The following ZNF618 variants were observed in gnomAD, a reference collection of about 807,000 sequenced individuals.
ZNF618 encodes neural precursor cell expressed, developmentally down-regulated 10.
Under a neutral mutation model 103.0 loss-of-function variants are expected in ZNF618, and 34 were observed. The observed-to-expected ratio is 0.33, with a 90% confidence interval of 0.25 to 0.44. ZNF618 has a LOEUF of 0.44. Among genes scored for constraint, ZNF618 ranks in the 20% least tolerant of loss-of-function variants. The pLI, the probability that ZNF618 is intolerant of heterozygous loss-of-function variation, is 1.00. For missense variants in ZNF618, 1,059 were observed against 1,295.4 expected (o/e 0.82, Z 2.80); for synonymous variants, 551 against 542.2 (o/e 1.02, Z -0.23).
Position 114,049,526 on chromosome 9 carries a change from G to T in ZNF618, c.2224G>T (p.Val742Leu), listed in dbSNP as rs527742445. The T allele has an allele frequency of 1.9e-4, 308 of 1,613,792 alleles. 1 individual carries two copies. In the Middle Eastern group the frequency reaches 2.6e-3, roughly 14 times the overall value. ...LSNLAAILTP[V>L]KQAVIELSNE... ...CAACCTGGCGGCCATCCTGACGCCG[G>T]TGAAGCAGGCAGTCATCGAGCTGAG... is the stretch of plus-strand genomic sequence containing the variant. The change falls in exon 15 of 15, where the codon GTG (valine) becomes TTG (leucine). Residue 742 changes from valine (V) to leucine (L), a missense_variant. Coordinates refer to ENST00000374126, the MANE Select transcript of ZNF618 (RefSeq NM_001318042.2).
intron 1 of ZNF618, among the ~76,000 whole-genome samples, chr9:113,917,179 T>C (rs922950547): frequency 1.3e-5 from 2 of 152,076 alleles, no homozygotes; most frequent in African/African-American, 4.8e-5. Context: ...CTAGTTATTT[T>C]CTGGGCTCGT....
intron 1 of ZNF618, among the ~76,000 whole-genome samples, chr9:113,911,628 C>T (rs7866488): frequency 0.077 from 11,737 of 152,092 alleles, 819 homozygotes; most frequent in East Asian, 0.3. Context: ...CGTGCCTGGC[C>T]GGTATTGTTT....
chr9:114,032,842 C>G, intron 12 of ZNF618, 114 bp downstream of exon 12: 1 of 924,756 alleles, frequency 1.1e-6, no homozygotes. Flanking sequence ...CATTATGGAT[C>G]TTGTTGGGAG....
At position 114,055,759 on chromosome 9, in the gene ZNF618, ATATCT is replaced by A. The variant is rs1487711738; in HGVS notation, c.*5594_*5598del. ...TTACAAAAAAACAAACACAAAAAAA[ATATCT>A]TTTTTAGGCCAGAGTTTTCTACAGG... On this transcript the variant is annotated 3_prime_UTR_variant, in exon 15 of 15. Coordinates refer to ENST00000374126, the MANE Select transcript of ZNF618 (RefSeq NM_001318042.2). The A allele has an allele frequency of 2.0e-5, 3 of 152,490 alleles. No homozygotes were observed. The highest frequency in any genetic ancestry group is 7.2e-5 in the African/African-American group (3 of 41,434). The allele number at this position is 152,490 out of a possible 1,614,324, so 9.4% of individuals were successfully genotyped here.
intron 10 of ZNF618, among the ~76,000 whole-genome samples, chr9:114,024,652 C>T (rs148903519): frequency 1.1e-3 from 173 of 152,290 alleles, no homozygotes; most frequent in East Asian, 4.2e-3. Flanking sequence ...AGCAAGGTCT[C>T]GCCTCTCTGG....
chr9:113,904,010 CTTTTTTTT>C (rs35812879), intron 1 of ZNF618, among the ~76,000 whole-genome samples: 2 of 139,670 alleles, frequency 1.4e-5, no homozygotes, highest in African/African-American at 5.2e-5. Flanking sequence ...TTCACCCCTC[CTTTTTTTT>C]TTTTTTCCAA....
intron 10 of ZNF618, among the ~76,000 whole-genome samples, chr9:114,024,597 G>C (rs548980850): frequency 6.6e-6 from 1 of 152,338 alleles, no homozygotes; most frequent in East Asian, 1.9e-4. Flanking sequence ...CTCTTCTAAG[G>C]CATGGCCTTT....
Position 114,050,020 on chromosome 9 carries a change from C to T in ZNF618, c.2718C>T (p.Leu906=), listed in dbSNP as rs776575946. Residue 906 remains leucine (L), a synonymous_variant, in exon 15 of 15, where the codon CTC becomes CTT. Coordinates refer to ENST00000374126, the MANE Select transcript of ZNF618 (RefSeq NM_001318042.2). Reference sequence around the variant, plus strand: ...AAAAGCACACAAAACTCGCCAAGCTCGCCTTCTGGCTCCTGGCGGTTCCGG... The same window carrying T: ...AAAAGCACACAAAACTCGCCAAGCTTGCCTTCTGGCTCCTGGCGGTTCCGG... ...VTQKHTKLAK[L]AFWLLAVPAV... 20 of 1,613,828 alleles carry T rather than the reference C, an allele frequency of 1.2e-5. No individual in the cohort carries two copies. Among genetic ancestry groups the T allele is most frequent in the African/African-American group, 2.7e-5 (2 of 74,938 alleles).
chr9:114,049,738 G>C lies in ZNF618; in HGVS notation c.2436G>C (p.Gln812His). 2 of 1,613,878 alleles carry C rather than the reference G, an allele frequency of 1.2e-6. No individual in the cohort carries two copies. The highest frequency in any genetic ancestry group is 1.7e-6 in the Non-Finnish European group (2 of 1,179,900). Reference protein sequence around the residue: ...HKVAMILDPQQKLRPVPPYQH... With the variant: ...HKVAMILDPQHKLRPVPPYQH... Reference sequence around the variant, plus strand: ...TGGCCATGATCCTGGACCCGCAGCAGAAGCTGCGGCCTGTGCCACCCTACC... The same window carrying C: ...TGGCCATGATCCTGGACCCGCAGCACAAGCTGCGGCCTGTGCCACCCTACC... Residue 812 changes from glutamine to histidine, a missense_variant, in exon 15 of 15, where the codon CAG becomes CAC. By Grantham distance (24) the Gln-to-His change is conservative. Around this residue, in one of 6 missense-constraint regions of ZNF618, gnomAD observed 156 missense variants for 197.1 expected, o/e 0.79. Coordinates refer to ENST00000374126, the MANE Select transcript of ZNF618 (RefSeq NM_001318042.2).
intron 1 of ZNF618, among the ~76,000 whole-genome samples, chr9:113,882,354 T>G (rs1423881253): frequency 6.6e-6 from 1 of 152,162 alleles, no homozygotes; most frequent in Non-Finnish European, 1.5e-5. Flanking sequence ...AAAAGAGGGT[T>G]AATGATCCCA....
At chr9:114,008,750 G>T (rs571610796) in intron 9 of ZNF618, among the ~76,000 whole-genome samples, 196 bp downstream of exon 9, 4 of 152,302 alleles carry the variant, frequency 2.6e-5, no homozygotes, top group African/African-American at 9.6e-5. Context: ...CAGGGTCAAG[G>T]TCAGGACAGT....
At chr9:113,944,960 C>T (rs545103159) in intron 1 of ZNF618, among the ~76,000 whole-genome samples, 57 of 152,254 alleles carry the variant, frequency 3.7e-4, no homozygotes, top group Non-Finnish European at 6.2e-4. Context: ...AGTGACATTC[C>T]GCAGATATGA....
rs1846353329 is a variant in ZNF618 at position 114,054,719 on chromosome 9, C to T, written c.*4552C>T. 6.5e-6 allele frequency: 1 copy of T among 152,742 alleles called. No individual in the cohort carries two copies. The highest frequency in any genetic ancestry group is 2.1e-4 in the South Asian group (1 of 4,836). The allele number at this position is 152,742 out of a possible 1,614,324, so 9.5% of individuals were successfully genotyped here. A position where few individuals can be genotyped will look rare whatever the true frequency, so the allele number is the denominator to read the frequency against. Reference sequence around the variant, plus strand: ...ATACAGTGTTTTCCCTCTTAACGTTCCCCTCCTGGTTTTGCCTTTTCAGGG... The same window carrying T: ...ATACAGTGTTTTCCCTCTTAACGTTTCCCTCCTGGTTTTGCCTTTTCAGGG... On this transcript the variant is annotated 3_prime_UTR_variant, in exon 15 of 15. Transcript: ENST00000374126.
chr9:113,880,265 T>C (rs984465913), intron 1 of ZNF618, among the ~76,000 whole-genome samples: 3 of 152,164 alleles, frequency 2.0e-5, no homozygotes, highest in Non-Finnish European at 4.4e-5. Flanking sequence ...TTTCTGGTGA[T>C]GTAAAATGAA....
intron 1 of ZNF618, among the ~76,000 whole-genome samples, chr9:113,931,678 A>C (rs750181296): frequency 1.3e-5 from 2 of 152,226 alleles, no homozygotes; most frequent in Non-Finnish European, 2.9e-5. Flanking sequence ...GATGTGCTGT[A>C]AGTGTAAAAT....
chr9:114,044,025 C>A (rs753949958), intron 13 of ZNF618, among the ~76,000 whole-genome samples: 1 of 152,170 alleles, frequency 6.6e-6, no homozygotes, highest in Non-Finnish European at 1.5e-5. Flanking sequence ...CTGATTATTT[C>A]TTTTGCTGTG....
At position 114,008,339 on chromosome 9, in the gene ZNF618, C is replaced by T. The variant is rs750772507; in HGVS notation, c.641-5C>T. On this transcript the variant is annotated splice_polypyrimidine_tract_variant and splice_region_variant and intron_variant, in intron 7 of 14. Transcript: ENST00000374126. ...CTGCGGCTGCCGCCTCCTGCCCGGG[C>T]GCAGTGTTTAGTGTGGAAGGGGCCC... The T allele has an allele frequency of 1.3e-4, 215 of 1,613,512 alleles. No homozygotes were observed. Among genetic ancestry groups the T allele is most frequent in the Middle Eastern group, 3.4e-4 (2 of 5,824 alleles).
chr9:114,031,836 CT>C (rs1431863603), intron 11 of ZNF618, among the ~76,000 whole-genome samples: 1 of 151,872 alleles, frequency 6.6e-6, no homozygotes, highest in Non-Finnish European at 1.5e-5. Context: ...CGGCATCCCC[CT>C]CATGCCTAGA....
At chr9:113,943,271 A>G (rs1474619390) in intron 1 of ZNF618, among the ~76,000 whole-genome samples, 1 of 152,204 alleles carries the variant, frequency 6.6e-6, no homozygotes, top group Non-Finnish European at 1.5e-5. Flanking sequence ...CTCTGCTCCT[A>G]GCTTAAGCAA....
Sources: allele counts gnomAD v4.1 joint callset (sites outside exome capture counted in the v4.1 genomes callset), GRCh38; gene constraint gnomAD v4.1.1; regional missense constraint gnomAD v4.1.1; transcripts MANE v1.5; gene names NCBI Gene and HGNC (gene_info 2026-07-23, HGNC 2026-07-21).